Variants in LYPD6 observed in about 807,000 individuals in gnomAD.
LYPD6 encodes LY6/PLAUR domain containing 6.
LYPD6 carries 15 observed loss-of-function variants against 22.7 expected under a neutral mutation model. That is an observed-to-expected ratio of 0.66 (90% confidence interval 0.44 to 1.02). LYPD6 has a LOEUF of 1.02. Ranked by LOEUF, LYPD6 falls within the 50% of genes least tolerant of loss-of-function variation. The pLI is 0.00. For synonymous variants in LYPD6, 72 were observed against 77.5 expected, an observed-to-expected ratio of 0.93 and a Z score of 0.37; for missense variants, 189 against 208.4, an observed-to-expected ratio of 0.91 and a Z score of 0.57.
chr2:149,456,216 CT>C (rs1680954156), intron 3 of LYPD6, among the ~76,000 whole-genome samples: 1 of 152,160 alleles, frequency 6.6e-6, no homozygotes, highest in African/African-American at 2.4e-5. Context: ...GTAGTTCATC[CT>C]TTTCTTGAGT....
downstream of LYPD6, among the ~76,000 whole-genome samples, chr2:149,476,538 A>G (rs1404892010): frequency 6.6e-6 from 1 of 152,096 alleles, no homozygotes; most frequent in Non-Finnish European, 1.5e-5. Flanking sequence ...GGGAGGTGAC[A>G]GGGCTTGTGT....
chr2:149,460,961 A>G (rs945418593), intron 3 of LYPD6, among the ~76,000 whole-genome samples: 1 of 152,082 alleles, frequency 6.6e-6, no homozygotes, highest in African/African-American at 2.4e-5. Flanking sequence ...GAAAATTTGT[A>G]GGACACAGCA....
chr2:149,468,815 G>C, intron 4 of LYPD6, 40 bp downstream of exon 4: 1 of 1,605,482 alleles, frequency 6.2e-7, no homozygotes. Flanking sequence ...TACATAGCCA[G>C]CTGCCTTCTC....
intron 2 of LYPD6, among the ~76,000 whole-genome samples, chr2:149,441,968 A>G (rs1683578354): frequency 6.6e-6 from 1 of 152,192 alleles, no homozygotes; most frequent in Non-Finnish European, 1.5e-5. Context: ...CCATGTAGAG[A>G]GCCAAATAAG....
chr2:149,457,024 A>C (rs1240709260), intron 3 of LYPD6, among the ~76,000 whole-genome samples: 1 of 152,204 alleles, frequency 6.6e-6, no homozygotes. Flanking sequence ...TTCTGTCGCT[A>C]ATTGACATTT....
At chr2:149,360,881 A>C (rs1277218343) in intron 1 of LYPD6, among the ~76,000 whole-genome samples, 1 of 151,982 alleles carries the variant, frequency 6.6e-6, no homozygotes, top group South Asian at 2.1e-4. Context: ...ACACCAGCCC[A>C]TTCAATGTTC....
chr2:149,352,899 A>T (rs1681384588), intron 1 of LYPD6, among the ~76,000 whole-genome samples: 1 of 152,220 alleles, frequency 6.6e-6, no homozygotes, highest in Non-Finnish European at 1.5e-5. Flanking sequence ...TTCTTGCAAG[A>T]TGTGAACTTT....
At chr2:149,366,578 C>T (rs1681671387) in intron 1 of LYPD6, among the ~76,000 whole-genome samples, 1 of 152,158 alleles carries the variant, frequency 6.6e-6, no homozygotes, top group African/African-American at 2.4e-5. Context: ...AGTCCAGGGA[C>T]TGGGGGAGGT....
chr2:149,417,078 A>G (rs941857116), intron 1 of LYPD6, among the ~76,000 whole-genome samples: 1 of 152,162 alleles, frequency 6.6e-6, no homozygotes, highest in African/African-American at 2.4e-5. Flanking sequence ...ATGACTGGGC[A>G]TGCCCAATAG....
intron 2 of LYPD6, among the ~76,000 whole-genome samples, chr2:149,448,484 T>A (rs1199311331): frequency 6.6e-6 from 1 of 152,074 alleles, no homozygotes; most frequent in East Asian, 1.9e-4. Context: ...ACTGAAGAAT[T>A]TCAGTAACAC....
chr2:149,390,548 C>G (rs1682285987), intron 1 of LYPD6, among the ~76,000 whole-genome samples: 1 of 152,220 alleles, frequency 6.6e-6, no homozygotes, highest in African/African-American at 2.4e-5. Context: ...AGACAGCTAA[C>G]TTTTTTGGCT....
chr2:149,470,895 G>A lies in LYPD6; in HGVS notation c.*45G>A, dbSNP rs753791656. ...GTTAATAGCGATCCATGGGGATCTC[G>A]ATGGTCCACAGACCTGCATGAGTCA... On this transcript the variant is annotated 3_prime_UTR_variant, in exon 5 of 5. Coordinates refer to ENST00000334166, the MANE Select transcript of LYPD6 (RefSeq NM_194317.5). 9 of 1,558,700 alleles carry A rather than the reference G, an allele frequency of 5.8e-6. No homozygotes were observed. Among genetic ancestry groups the A allele is most frequent in the South Asian group, 2.3e-5 (2 of 87,446 alleles).
chr2:149,486,261 A>G, the LYPD6 span, among the ~76,000 whole-genome samples: 38 of 152,290 alleles, frequency 2.5e-4, no homozygotes, highest in African/African-American at 8.9e-4. Flanking sequence ...ATTTATTTCC[A>G]GTTATATACC....
intron 1 of LYPD6, among the ~76,000 whole-genome samples, chr2:149,412,826 A>C (rs1682881884): frequency 6.6e-6 from 1 of 152,180 alleles, no homozygotes; most frequent in Non-Finnish European, 1.5e-5. Context: ...AAAATGGAAT[A>C]TAGAGAATAA....
At chr2:149,360,237 G>C (rs1053457871) in intron 1 of LYPD6, among the ~76,000 whole-genome samples, 1 of 152,152 alleles carries the variant, frequency 6.6e-6, no homozygotes, top group South Asian at 2.1e-4. Flanking sequence ...GGCTTTGGTG[G>C]GTTTTGGCTA....
At chr2:149,395,423 T>C (rs1682408831) in intron 1 of LYPD6, among the ~76,000 whole-genome samples, 1 of 152,162 alleles carries the variant, frequency 6.6e-6, no homozygotes, top group African/African-American at 2.4e-5. Flanking sequence ...TATATATGAA[T>C]TTTGAATTTA....
intron 1 of LYPD6, among the ~76,000 whole-genome samples, chr2:149,424,864 G>A (rs912089649): frequency 3.3e-5 from 5 of 152,142 alleles, no homozygotes; most frequent in Non-Finnish European, 4.4e-5. Flanking sequence ...CATTGCTGCT[G>A]GAGCTCCCAC....
chr2:149,345,457 C>A (rs1430428588), intron 1 of LYPD6, among the ~76,000 whole-genome samples: 1 of 150,668 alleles, frequency 6.6e-6, no homozygotes, highest in Non-Finnish European at 1.5e-5. Flanking sequence ...CAGGCACCTG[C>A]CACCACACCT....
chr2:149,466,006 AG>A (rs1681192317), intron 3 of LYPD6, among the ~76,000 whole-genome samples: 2 of 152,174 alleles, frequency 1.3e-5, no homozygotes, highest in African/African-American at 4.8e-5. Flanking sequence ...TGAAGTTATC[AG>A]CAGGCTTGAT....
Sources: gnomAD v4.1 joint callset for allele counts (sites outside exome capture counted in the v4.1 genomes callset) on GRCh38, gnomAD v4.1.1 for gene constraint, MANE v1.5 for transcripts, NCBI Gene and HGNC (gene_info 2026-07-23, HGNC 2026-07-21) for gene names.